The following ASIC2 variants were observed in gnomAD, a reference collection of about 807,000 sequenced individuals.
The protein encoded by ASIC2 is acid sensing ion channel subunit 2, also known as acid-sensing ion channel 2.
Under a neutral mutation model 57.3 loss-of-function variants are expected in ASIC2, and 25 were observed. The observed-to-expected ratio is 0.44, with a 90% CI of 0.32 to 0.61. The LOEUF (loss-of-function observed/expected upper bound fraction) is 0.61, where lower values mean the gene tolerates loss of function less well. Among genes scored for constraint, ASIC2 ranks in the 20% least tolerant of loss-of-function variants. The pLI is 0.06. For missense variants in ASIC2, 641 were observed against 738.1 expected (o/e 0.87, Z 1.52); for synonymous variants, 319 against 307.5 (o/e 1.04, Z -0.39).
At chr17:33,825,432 A>T (rs962117073) in intron 1 of ASIC2, among the ~76,000 whole-genome samples, 1 of 152,198 alleles carries the variant, frequency 6.6e-6, no homozygotes, top group African/African-American at 2.4e-5. Flanking sequence ...TGACACAATC[A>T]TCATTCCATT....
At chr17:33,370,517 C>T (rs977056780) in intron 1 of ASIC2, among the ~76,000 whole-genome samples, 1 of 152,214 alleles carries the variant, frequency 6.6e-6, no homozygotes, top group African/African-American at 2.4e-5. Context: ...GGGTCTGGTT[C>T]TTTAGCAGTC....
intron 3 of ASIC2, among the ~76,000 whole-genome samples, chr17:33,047,383 GGCTGTAGT>G (rs2091959849): frequency 6.6e-6 from 1 of 151,888 alleles, no homozygotes; most frequent in Non-Finnish European, 1.5e-5. Flanking sequence ...CTGTCACCCA[GGCTGTAGT>G]GCAGCAGCAC....
intron 1 of ASIC2, among the ~76,000 whole-genome samples, chr17:33,842,824 A>G (rs1400549262): frequency 6.6e-6 from 1 of 152,212 alleles, no homozygotes. Context: ...CCCACTCACT[A>G]TGTACTGACA....
At chr17:33,644,400 C>A (rs544820018) in intron 1 of ASIC2, among the ~76,000 whole-genome samples, 42 of 152,256 alleles carry the variant, frequency 2.8e-4, no homozygotes, top group Non-Finnish European at 5.6e-4. Flanking sequence ...CTCTGTCAAT[C>A]CTTATAGGCC....
intron 1 of ASIC2, among the ~76,000 whole-genome samples, chr17:33,390,371 C>G (rs1909846792): frequency 6.6e-6 from 1 of 152,084 alleles, no homozygotes; most frequent in South Asian, 2.1e-4. Context: ...TTAGTGAACT[C>G]TTCTCTTTCT....
chr17:33,160,808 C>T (rs888532287), intron 1 of ASIC2, among the ~76,000 whole-genome samples: 2 of 152,220 alleles, frequency 1.3e-5, no homozygotes, highest in South Asian at 2.1e-4. Flanking sequence ...CTGTTCATGG[C>T]GGGGGGAGAG....
intron 1 of ASIC2, among the ~76,000 whole-genome samples, chr17:33,478,993 GTTTTATTTTA>G (rs898683564): frequency 6.6e-6 from 1 of 152,010 alleles, no homozygotes; most frequent in Non-Finnish European, 1.5e-5. Flanking sequence ...ACTTCCAGGA[GTTTTATTTTA>G]TTTTATTTTA....
chr17:33,503,058 G>T (rs1052009907), intron 1 of ASIC2, among the ~76,000 whole-genome samples: 1 of 152,142 alleles, frequency 6.6e-6, no homozygotes, highest in Non-Finnish European at 1.5e-5. Context: ...AAGTCCTGAT[G>T]CCTCCCTGGG....
At chr17:33,143,525 T>G (rs543226915) in intron 1 of ASIC2, among the ~76,000 whole-genome samples, 7 of 152,220 alleles carry the variant, frequency 4.6e-5, no homozygotes, top group Non-Finnish European at 1.0e-4. Flanking sequence ...TTGGGAAGAA[T>G]AGAAAATTGT....
At chr17:33,437,116 C>G (rs890393207) in intron 1 of ASIC2, among the ~76,000 whole-genome samples, 1 of 151,722 alleles carries the variant, frequency 6.6e-6, no homozygotes, top group Non-Finnish European at 1.5e-5. Context: ...CTGCCCGCCT[C>G]GGCCTCCCAA....
intron 1 of ASIC2, among the ~76,000 whole-genome samples, chr17:33,805,865 T>C (rs1358289961): frequency 6.6e-6 from 1 of 152,230 alleles, no homozygotes; most frequent in Admixed American, 6.5e-5. Flanking sequence ...GAGCTAATAT[T>C]ACATGGAACA....
intron 1 of ASIC2, chr17:33,112,894 T>C (rs2141988287): frequency 6.6e-6 from 1 of 151,720 alleles, no homozygotes; most frequent in African/African-American, 2.4e-5. Context: ...ATCCCTACGC[T>C]CTTTAGGCTA....
chr17:33,772,201 T>C (rs1911133392), intron 1 of ASIC2, among the ~76,000 whole-genome samples: 1 of 152,240 alleles, frequency 6.6e-6, no homozygotes, highest in Non-Finnish European at 1.5e-5. Context: ...CTTGTTTGAC[T>C]ATGGGTCATA....
At chr17:33,411,689 A>G (rs1240202630) in intron 1 of ASIC2, among the ~76,000 whole-genome samples, 1 of 152,200 alleles carries the variant, frequency 6.6e-6, no homozygotes, top group Non-Finnish European at 1.5e-5. Context: ...GAAAAAAATG[A>G]AGTCTTGGCA....
At position 33,809,815 on chromosome 17, in the gene ASIC2, T is replaced by C. The variant is rs555914368; in HGVS notation, c.555+346163A>G. On this transcript the variant is annotated intron_variant, in intron 1 of 9. Transcript: ENST00000359872. Reference sequence around the variant, plus strand: ...TTGCTATATGTGCTGTCTCTCTCCATCCTGCAAAGTTGAAGGCATCACTAA... The same window carrying C: ...TTGCTATATGTGCTGTCTCTCTCCACCCTGCAAAGTTGAAGGCATCACTAA... 2.0e-5 allele frequency among the ~76,000 whole-genome samples: 3 copies of C among 152,360 alleles called. No homozygotes were observed. In the East Asian group the frequency reaches 5.8e-4, roughly 29 times the overall value.
chr17:33,335,842 T>C (rs1907492294), intron 1 of ASIC2, among the ~76,000 whole-genome samples: 2 of 152,254 alleles, frequency 1.3e-5, no homozygotes, highest in African/African-American at 4.8e-5. Flanking sequence ...ACTCAGTCCT[T>C]ACACTCCAGG....
intron 1 of ASIC2, among the ~76,000 whole-genome samples, chr17:33,556,108 A>G (rs918194055): frequency 6.6e-6 from 1 of 152,250 alleles, no homozygotes; most frequent in South Asian, 2.1e-4. Flanking sequence ...CAGCTTCATC[A>G]TGAGGTAGAC....
At chr17:34,003,295 G>A (rs1188150249) in intron 1 of ASIC2, 1 of 152,142 alleles carries the variant, frequency 6.6e-6, no homozygotes, top group Non-Finnish European at 1.5e-5. Flanking sequence ...AGATATGGAT[G>A]ATAAGACAGA....
intron 3 of ASIC2, among the ~76,000 whole-genome samples, chr17:33,029,830 T>G (rs2141904979): frequency 6.6e-6 from 1 of 152,398 alleles, no homozygotes; most frequent in East Asian, 1.9e-4. Context: ...GCCATTTTTG[T>G]AGGTGTATGG....
Sources: gnomAD v4.1 joint callset for allele counts (sites outside exome capture counted in the v4.1 genomes callset) on GRCh38, gnomAD v4.1.1 for gene constraint, MANE v1.5 for transcripts, NCBI Gene and HGNC (gene_info 2026-07-23, HGNC 2026-07-21) for gene names.